SLC22A23: variants seen among roughly 807,000 people sequenced by gnomAD.
The protein encoded by SLC22A23 is ion transporter protein.
SLC22A23 carries 26 observed loss-of-function variants against 61.0 expected under a neutral mutation model. That is an observed-to-expected ratio of 0.43 (90% CI 0.31 to 0.59). The LOEUF is 0.59. Ranked by LOEUF, SLC22A23 falls within the 20% of genes least tolerant of loss-of-function variation. The pLI is 0.11. For missense variants in SLC22A23, 796 were observed against 934.7 expected (o/e 0.85, Z 1.94); for synonymous variants, 430 against 413.9 (o/e 1.04, Z -0.47).
intron 1 of SLC22A23, among the ~76,000 whole-genome samples, chr6:3,421,390 T>A (rs13208707): frequency 0.13 from 19,986 of 152,278 alleles, 1,555 homozygotes; most frequent in Non-Finnish European, 0.17. Flanking sequence ...GTTTGTAACT[T>A]ATCAGAGCAA....
chr6:3,385,885 A>G (rs1051798210), intron 3 of SLC22A23, among the ~76,000 whole-genome samples: 2 of 152,250 alleles, frequency 1.3e-5, no homozygotes, highest in Non-Finnish European at 2.9e-5. Flanking sequence ...GAGCTAGAAT[A>G]CTGCAAAGGG....
rs905919462 is a variant in SLC22A23, at chr6:3,328,350, C to T, written c.914-4348G>A. On this transcript the variant is annotated intron_variant, in intron 3 of 9. Coordinates refer to ENST00000406686, the MANE Select transcript of SLC22A23 (RefSeq NM_015482.2). This position sits in a 1 kb window ranked among gnomAD's most constrained non-coding sequence, Gnocchi z 5.0. ...TAGGAGGCCACAGCTCTGGGAGATA[C>T]GCTTTTCGGAAGTCGTCAGATTCTT... Among the ~76,000 whole-genome samples the T allele has an allele frequency of 6.6e-6, 1 of 152,008 alleles. No individual in the cohort carries two copies. Among genetic ancestry groups the T allele is most frequent in the Non-Finnish European group, 1.5e-5 (1 of 68,016 alleles).
chr6:3,363,927 C>G (rs9501995), intron 3 of SLC22A23, among the ~76,000 whole-genome samples: 46,882 of 152,078 alleles, frequency 0.31, 7,925 homozygotes, highest in East Asian at 0.52. Context: ...TGAGTTTCCT[C>G]TGGGCATGGC....
At chr6:3,293,210 C>T (rs1053307362) in intron 5 of SLC22A23, among the ~76,000 whole-genome samples, 1 of 151,670 alleles carries the variant, frequency 6.6e-6, no homozygotes, top group African/African-American at 2.4e-5. Flanking sequence ...GTTATAGAGA[C>T]GGAAAGCAAG....
chr6:3,302,896 G>A (rs1761716139), intron 4 of SLC22A23: 1 of 152,120 alleles, frequency 6.6e-6, no homozygotes, highest in Non-Finnish European at 1.5e-5. Flanking sequence ...CACAGCAAAG[G>A]AAACAATCAA....
chr6:3,456,553 T>C lies in SLC22A23; in HGVS notation c.7A>G (p.Ile3Val), dbSNP rs1048250379. 4.5e-4 allele frequency: 447 copies of C among 983,496 alleles called. 6 individuals carry two copies. The African/African-American group carries it at 7.4e-3, about 16-fold the overall frequency. 60.9% of individuals were successfully genotyped at this position (983,496 alleles called of 1,614,324 possible). A position where few individuals can be genotyped will look rare whatever the true frequency, so the allele number is the denominator to read the frequency against. Residue 3 changes from isoleucine (I) to valine (V), a missense_variant, in exon 1 of 10, where the codon ATA becomes GTA. Physicochemically the swap from Ile to Val is conservative, Grantham distance 29 (BLOSUM62 3). Transcript: ENST00000406686. This position sits in a 1 kb window ranked among gnomAD's most constrained non-coding sequence, Gnocchi z 7.1. ...CCCGCCGCCTCGCGCCGCCGGTCTA[T>C]GGCCATGGCCCGGGCCCGCGGCTCC... is the stretch of plus-strand genomic sequence containing the variant. MA[I>V]DRRREAAGGG... is the part of the protein sequence containing the mutation.
chr6:3,347,623 G>A (rs975582507), intron 3 of SLC22A23, among the ~76,000 whole-genome samples: 1 of 151,758 alleles, frequency 6.6e-6, no homozygotes, highest in Admixed American at 6.6e-5. Flanking sequence ...CGCTCGTGTT[G>A]GCTACCTCCT....
intron 3 of SLC22A23, among the ~76,000 whole-genome samples, chr6:3,406,033 T>C (rs1444918745): frequency 3.3e-5 from 5 of 152,268 alleles, no homozygotes; most frequent in African/African-American, 9.6e-5. Context: ...AGAAAATTGT[T>C]CATTGTTGGG....
At chr6:3,354,547 C>T (rs369141708) in intron 3 of SLC22A23, among the ~76,000 whole-genome samples, 9 of 152,316 alleles carry the variant, frequency 5.9e-5, no homozygotes, top group South Asian at 4.1e-4. Context: ...TTTCCATCCT[C>T]AAGAGACCCA....
intron 3 of SLC22A23, among the ~76,000 whole-genome samples, chr6:3,334,315 T>C (rs947967832): frequency 2.0e-5 from 3 of 152,144 alleles, no homozygotes; most frequent in Non-Finnish European, 2.9e-5. Flanking sequence ...GCACCTTCCA[T>C]CGTGCCTGCT....
intron 9 of SLC22A23, among the ~76,000 whole-genome samples, chr6:3,280,333 C>G (rs1759322316): frequency 6.6e-6 from 1 of 152,144 alleles, no homozygotes; most frequent in Non-Finnish European, 1.5e-5. Context: ...CCGTCTGGTT[C>G]CTTCCCAGGC....
intron 3 of SLC22A23, among the ~76,000 whole-genome samples, chr6:3,373,771 G>C (rs73358788): frequency 1.3e-5 from 2 of 152,158 alleles, no homozygotes; most frequent in Admixed American, 6.5e-5. Context: ...ACACTCAGGG[G>C]ACAGTGACAC....
rs891554485 is a variant in SLC22A23 at position 3,386,637 on chromosome 6, G to A, written c.913+23551C>T. 2.0e-5 allele frequency among the ~76,000 whole-genome samples: 3 copies of A among 152,200 alleles called. No homozygotes were observed. The highest frequency in any genetic ancestry group is 4.8e-5 in the African/African-American group (2 of 41,454). ...TGGGGACAGCCCGAGAGCTCAGAACGGCCTTCCAGGGCCAACCCTCTTGCT... is the reference window on the plus strand; with the variant it reads ...TGGGGACAGCCCGAGAGCTCAGAACAGCCTTCCAGGGCCAACCCTCTTGCT... On this transcript the variant is annotated intron_variant, in intron 3 of 9. Transcript: ENST00000406686. This position sits in a 1 kb window ranked among gnomAD's most constrained non-coding sequence, Gnocchi z 4.4.
Position 3,410,051 on chromosome 6 carries a change from TG to T in SLC22A23, c.913+136del. Reference sequence around the variant, plus strand: ...CCTGAAAAGCCTCTTTCACAACACTTGAGGCCTTTAATGTTTGTGTTTCCAC... The same window carrying T: ...CCTGAAAAGCCTCTTTCACAACACTTAGGCCTTTAATGTTTGTGTTTCCAC... On this transcript the variant is annotated intron_variant, in intron 3 of 9. Coordinates refer to ENST00000406686, the MANE Select transcript of SLC22A23 (RefSeq NM_015482.2). This position sits in a 1 kb window ranked among gnomAD's most constrained non-coding sequence, Gnocchi z 5.0. The T allele has an allele frequency of 1.1e-6, 1 of 938,504 alleles. No homozygotes were observed. The highest frequency in any genetic ancestry group is 1.6e-6 in the Non-Finnish European group (1 of 641,684). The allele number at this position is 938,504 out of a possible 1,614,324, so 58.1% of individuals were successfully genotyped here. A position where few individuals can be genotyped will look rare whatever the true frequency, so the allele number is the denominator to read the frequency against.
intron 3 of SLC22A23, among the ~76,000 whole-genome samples, chr6:3,356,440 G>C (rs1423700819): frequency 2.0e-5 from 3 of 151,992 alleles, no homozygotes; most frequent in African/African-American, 7.3e-5. Context: ...GGAAGCCTCA[G>C]AGGAGTGATT....
intron 3 of SLC22A23, among the ~76,000 whole-genome samples, chr6:3,366,258 G>C (rs6903408): frequency 6.8e-6 from 1 of 146,698 alleles, no homozygotes; most frequent in African/African-American, 2.5e-5. Context: ...GCTTGAACCC[G>C]GGAGGTGGAA....
rs1762688662 is a variant in SLC22A23 at position 3,317,110 on chromosome 6, C to T, written c.1082+6724G>A. On this transcript the variant is annotated intron_variant, in intron 4 of 9. Transcript: ENST00000406686. The surrounding 1 kb of genome is among the most constrained non-coding windows in gnomAD (Gnocchi z 4.4). The stretch of plus-strand genomic sequence containing the variant: ...TGGCAGCCTCTCCAACAGCCTTCTC[C>T]CTCCCTTGTCATTCCTCAATAGTGA... Among the ~76,000 whole-genome samples, 1 of 152,196 alleles carries T rather than the reference C, an allele frequency of 6.6e-6. No individual in the cohort carries two copies. Among genetic ancestry groups the T allele is most frequent in the Non-Finnish European group, 1.5e-5 (1 of 68,036 alleles).
intron 3 of SLC22A23, among the ~76,000 whole-genome samples, chr6:3,401,206 G>A (rs756345025): frequency 2.6e-5 from 4 of 152,212 alleles, no homozygotes; most frequent in Non-Finnish European, 5.9e-5. Context: ...GCCGGGCGTG[G>A]TGGCGCCTGT....
intron 1 of SLC22A23, among the ~76,000 whole-genome samples, chr6:3,416,667 G>A (rs1454611854): frequency 2.0e-5 from 3 of 152,326 alleles, no homozygotes; most frequent in East Asian, 3.9e-4. Context: ...TTTCATCTGG[G>A]CCAGAGGGGC....
Sources: allele counts gnomAD v4.1 joint callset (sites outside exome capture counted in the v4.1 genomes callset), GRCh38; gene constraint gnomAD v4.1.1; non-coding constraint Gnocchi (gnomAD v3.1); transcripts MANE v1.5; gene names NCBI Gene and HGNC (gene_info 2026-07-23, HGNC 2026-07-21).